The following SH3PXD2A variants were observed in gnomAD, a reference collection of about 807,000 sequenced individuals.
SH3PXD2A encodes SH3 and PX domains 2A.
A neutral mutation model predicts 115.2 loss-of-function variants in SH3PXD2A; 32 were observed. That is an observed-to-expected ratio of 0.28 (90% CI 0.21 to 0.37). SH3PXD2A has a LOEUF of 0.37. Among genes scored for constraint, SH3PXD2A ranks in the 10% least tolerant of loss-of-function variants. The pLI, the probability that SH3PXD2A is intolerant of heterozygous loss-of-function variation, is 1.00. For synonymous variants in SH3PXD2A, 610 were observed against 629.1 expected (o/e 0.97, Z 0.45); for missense variants, 1,328 against 1,498.7 (o/e 0.89, Z 1.88).
rs1246216194 is a variant in SH3PXD2A, at chr10:103,784,290, C to T, written c.153+16992G>A. Among the ~76,000 whole-genome samples the T allele has an allele frequency of 3.3e-5, 5 of 152,204 alleles. No individual in the cohort carries two copies. In the East Asian group the frequency reaches 9.6e-4, roughly 29 times the overall value. ...GGGGTCGCCCAAGCCTCTGTGCATG[C>T]CCAAGGCGGTCCTGTCCCACACCTT... On this transcript the variant is annotated intron_variant, in intron 2 of 14. Transcript: ENST00000369774. The surrounding 1 kb of genome is among the most constrained non-coding windows in gnomAD (Gnocchi z 4.4).
At position 103,597,672 on chromosome 10, in the gene SH3PXD2A, T is replaced by G. The variant is rs1199966967; in HGVS notation, c.*4144A>C. On this transcript the variant is annotated 3_prime_UTR_variant, in exon 15 of 15. Coordinates refer to ENST00000369774, the MANE Select transcript of SH3PXD2A (RefSeq NM_001394015.1). ...AGCTAGGATTCCTTCAGCACCCCGC[T>G]CCCTGCCTCTTGCTCTCTGAGCGCC... 3 of 152,642 alleles carry G rather than the reference T, an allele frequency of 2.0e-5. No homozygotes were observed. Among genetic ancestry groups the G allele is most frequent in the Non-Finnish European group, 4.4e-5 (3 of 68,030 alleles). 9.5% of individuals were successfully genotyped at this position (152,642 alleles called of 1,614,324 possible).
In SH3PXD2A at chr10:103,843,559, C is replaced by T. The variant is rs569145864; in HGVS notation, c.72+11636G>A. ...TTTGAACCTGCAAATAGAGGCCAGA[C>T]CTTGGCACAGATCTGTTCCTATAGC... On this transcript the variant is annotated intron_variant, in intron 1 of 14. Coordinates refer to ENST00000369774, the MANE Select transcript of SH3PXD2A (RefSeq NM_001394015.1). Among the ~76,000 whole-genome samples the T allele has an allele frequency of 3.3e-5, 5 of 152,284 alleles. No homozygotes were observed. In the South Asian group the frequency reaches 1.0e-3, roughly 32 times the overall value.
chr10:103,763,006 C>G (rs970195754), intron 3 of SH3PXD2A, among the ~76,000 whole-genome samples: 4 of 152,094 alleles, frequency 2.6e-5, no homozygotes, highest in Non-Finnish European at 5.9e-5. Flanking sequence ...CCTTTGACCA[C>G]AGGAGCCCCA....
At chr10:103,810,454 A>G (rs1472345532) in intron 1 of SH3PXD2A, among the ~76,000 whole-genome samples, 2 of 152,194 alleles carry the variant, frequency 1.3e-5, no homozygotes, top group African/African-American at 4.8e-5. Context: ...AGAAGGGACC[A>G]GAGGCCGTCT....
chr10:103,845,170 A>C (rs911064668), intron 1 of SH3PXD2A, among the ~76,000 whole-genome samples: 19 of 151,826 alleles, frequency 1.3e-4, no homozygotes, highest in African/African-American at 4.6e-4. Context: ...CCAAAAAAAA[A>C]AAAACAAAAA....
At chr10:103,783,598 C>A (rs1049326990) in intron 2 of SH3PXD2A, among the ~76,000 whole-genome samples, 10 of 152,180 alleles carry the variant, frequency 6.6e-5, no homozygotes, top group African/African-American at 2.4e-4. Context: ...GACCCAGGCA[C>A]AGGTGTGCCC....
In SH3PXD2A at chr10:103,620,290, C is replaced by T. The variant is rs1246739308; in HGVS notation, c.802+2180G>A. Among the ~76,000 whole-genome samples, 1 of 152,134 alleles carries T rather than the reference C, an allele frequency of 6.6e-6. No homozygotes were observed. Among genetic ancestry groups the T allele is most frequent in the Non-Finnish European group, 1.5e-5 (1 of 67,996 alleles). Reference sequence around the variant, plus strand: ...CACCAGGAGACGGTGGCAGCCTGCCCTGGGGAGGGCTGGCCAGGCGGTCAG... The same window carrying T: ...CACCAGGAGACGGTGGCAGCCTGCCTTGGGGAGGGCTGGCCAGGCGGTCAG... On this transcript the variant is annotated intron_variant, in intron 10 of 14. Transcript: ENST00000369774. The surrounding 1 kb of genome is among the most constrained non-coding windows in gnomAD (Gnocchi z 5.3).
intron 3 of SH3PXD2A, among the ~76,000 whole-genome samples, chr10:103,755,764 T>C (rs2038633702): frequency 6.6e-6 from 1 of 152,180 alleles, no homozygotes; most frequent in Admixed American, 6.5e-5. Context: ...CGCTGAGAAG[T>C]TCTTCCTGTC....
intron 6 of SH3PXD2A, among the ~76,000 whole-genome samples, chr10:103,678,538 A>G (rs1248279324): frequency 6.6e-6 from 1 of 152,238 alleles, no homozygotes; most frequent in Non-Finnish European, 1.5e-5. Context: ...CCTGGTGCTC[A>G]GTGCTCAGCC....
chr10:103,708,879 C>G (rs1326959257), intron 5 of SH3PXD2A, among the ~76,000 whole-genome samples: 1 of 152,052 alleles, frequency 6.6e-6, no homozygotes, highest in Admixed American at 6.6e-5. Flanking sequence ...GCATGTCCCC[C>G]ATCCACTGGC....
At position 103,855,259 on chromosome 10, in the gene SH3PXD2A, G is replaced by A; in HGVS notation, c.8C>T (p.Ala3Val). 2 of 1,519,786 alleles carry A rather than the reference G, an allele frequency of 1.3e-6. No homozygotes were observed. Among genetic ancestry groups the A allele is most frequent in the East Asian group, 2.7e-5 (1 of 37,438 alleles). The allele number at this position is 1,519,786 out of a possible 1,614,324, so 94.1% of individuals were successfully genotyped here. A position where few individuals can be genotyped will look rare whatever the true frequency, so the allele number is the denominator to read the frequency against. Residue 3 changes from alanine to valine, a missense_variant, in exon 1 of 15, where the codon GCC becomes GTC. Around this residue, in one of 5 missense-constraint regions of SH3PXD2A, gnomAD observed 110 missense variants for 160.0 expected, o/e 0.69. Coordinates refer to ENST00000369774, the MANE Select transcript of SH3PXD2A (RefSeq NM_001394015.1). ...CACGGTGGCATCCTGCACGCAGTAGGCGAGCATCTTCCCCCACAAAGCGAG... is the reference window on the plus strand; with the variant it reads ...CACGGTGGCATCCTGCACGCAGTAGACGAGCATCTTCCCCCACAAAGCGAG... ML[A>V]YCVQDATVVD...
At chr10:103,647,678 AT>A (rs1221526553) in intron 8 of SH3PXD2A, among the ~76,000 whole-genome samples, 2 of 152,152 alleles carry the variant, frequency 1.3e-5, no homozygotes, top group African/African-American at 2.4e-5. Context: ...CATTCTCCCC[AT>A]GCAAAGCCCA....
At chr10:103,737,103 T>C (rs2038389537) in intron 3 of SH3PXD2A, among the ~76,000 whole-genome samples, 2 of 152,308 alleles carry the variant, frequency 1.3e-5, no homozygotes, top group South Asian at 4.2e-4. Flanking sequence ...ACAAGACAGG[T>C]GCTTGGTAAA....
At chr10:103,829,696 A>G (rs1025401518) in intron 1 of SH3PXD2A, among the ~76,000 whole-genome samples, 1 of 152,240 alleles carries the variant, frequency 6.6e-6, no homozygotes, top group African/African-American at 2.4e-5. Flanking sequence ...CATGCGCATA[A>G]CATAGGACCT....
chr10:103,703,996 G>A (rs1444148068), intron 5 of SH3PXD2A, among the ~76,000 whole-genome samples: 2 of 152,190 alleles, frequency 1.3e-5, no homozygotes, highest in African/African-American at 4.8e-5. Context: ...TAATTGGATT[G>A]CTGGGGGATA....
chr10:103,609,334 G>A (rs1189931980), intron 13 of SH3PXD2A: 1 of 152,306 alleles, frequency 6.6e-6, no homozygotes, highest in East Asian at 1.9e-4. Flanking sequence ...TCTCTAGTCT[G>A]GGGTGTGTGT....
intron 3 of SH3PXD2A, among the ~76,000 whole-genome samples, chr10:103,761,945 G>C (rs191622376): frequency 6.6e-6 from 1 of 151,634 alleles, no homozygotes; most frequent in South Asian, 2.1e-4. Context: ...CACCTGCAGT[G>C]AGACTGGAGG....
intron 8 of SH3PXD2A, among the ~76,000 whole-genome samples, chr10:103,651,607 T>C (rs1259382436): frequency 6.6e-6 from 1 of 152,230 alleles, no homozygotes; most frequent in Non-Finnish European, 1.5e-5. Flanking sequence ...GGCAAGTCAC[T>C]TCACCTCTCT....
chr10:103,736,779 A>T (rs1396064588), intron 3 of SH3PXD2A: 2 of 1,289,196 alleles, frequency 1.6e-6, no homozygotes, highest in Non-Finnish European at 2.0e-6. Context: ...TGAAGTGCTC[A>T]CCTGTAGCTG....
Sources: gnomAD v4.1 joint callset for allele counts (sites outside exome capture counted in the v4.1 genomes callset) on GRCh38, gnomAD v4.1.1 for gene constraint, gnomAD v4.1.1 regional missense constraint, Gnocchi (gnomAD v3.1) non-coding constraint, MANE v1.5 for transcripts, NCBI Gene and HGNC (gene_info 2026-07-23, HGNC 2026-07-21) for gene names.